NCAM2: variants seen among roughly 807,000 people sequenced by gnomAD.
The protein encoded by NCAM2 is neural cell adhesion molecule 2, also known as N-CAM-2.
A neutral mutation model predicts 98.1 loss-of-function variants in NCAM2; 30 were observed. The ratio of observed to expected loss-of-function variants is 0.31; its 90% CI spans 0.23 to 0.41. NCAM2 has a LOEUF of 0.41. Among genes scored for constraint, NCAM2 ranks in the 10% least tolerant of loss-of-function variants. The pLI is 1.00. For missense variants in NCAM2, 867 were observed against 1,005.8 expected, an observed-to-expected ratio of 0.86 and a Z score of 1.87; for synonymous variants, 368 against 342.4, an observed-to-expected ratio of 1.07 and a Z score of -0.83.
chr21:21,102,523 A>T (rs988313718), intron 1 of NCAM2, among the ~76,000 whole-genome samples: 1 of 152,004 alleles, frequency 6.6e-6, no homozygotes, highest in Non-Finnish European at 1.5e-5. Flanking sequence ...TTAACTAATA[A>T]CTCATGGATA....
At chr21:21,383,835 AC>A (rs1308610287) in intron 9 of NCAM2, among the ~76,000 whole-genome samples, 1 of 151,994 alleles carries the variant, frequency 6.6e-6, no homozygotes, top group African/African-American at 2.4e-5. Context: ...TTTATTTTTC[AC>A]ATTGTTTAGA....
chr21:21,467,935 C>T (rs1483154811), intron 13 of NCAM2, among the ~76,000 whole-genome samples: 2 of 151,824 alleles, frequency 1.3e-5, no homozygotes, highest in East Asian at 1.9e-4. Context: ...CAGGTCATGC[C>T]GGTTTAGAGA....
chr21:21,515,410 T>A (rs541804174), intron 16 of NCAM2, among the ~76,000 whole-genome samples: 86 of 152,232 alleles, frequency 5.6e-4, no homozygotes, highest in African/African-American at 1.9e-3. Flanking sequence ...ATAAATTTTT[T>A]AAAAAATGTT....
chr21:21,497,593 C>A (rs1034465179), intron 15 of NCAM2, among the ~76,000 whole-genome samples: 1 of 152,094 alleles, frequency 6.6e-6, no homozygotes, highest in African/African-American at 2.4e-5. Context: ...TGGATTGCCA[C>A]TGAGTTTATT....
At chr21:21,453,764 C>T (rs1364227349) in intron 12 of NCAM2, among the ~76,000 whole-genome samples, 1 of 151,888 alleles carries the variant, frequency 6.6e-6, no homozygotes, top group Non-Finnish European at 1.5e-5. Flanking sequence ...ACAAATGATT[C>T]TTTGCTATTT....
At chr21:21,277,680 T>A (rs2072778764) in intron 1 of NCAM2, among the ~76,000 whole-genome samples, 1 of 152,098 alleles carries the variant, frequency 6.6e-6, no homozygotes, top group Admixed American at 6.6e-5. Flanking sequence ...CCAATTATAA[T>A]TTGTATGGTA....
At chr21:21,409,805 C>T (rs536718458) in intron 9 of NCAM2, among the ~76,000 whole-genome samples, 1 of 152,212 alleles carries the variant, frequency 6.6e-6, no homozygotes, top group African/African-American at 2.4e-5. Flanking sequence ...AGTTCTGATG[C>T]ACTGTGTTAA....
intron 16 of NCAM2, among the ~76,000 whole-genome samples, chr21:21,517,454 G>C (rs1040970326): frequency 2.0e-5 from 3 of 152,140 alleles, no homozygotes; most frequent in Non-Finnish European, 4.4e-5. Context: ...TCTGTAGATA[G>C]TATGCAAGGA....
intron 1 of NCAM2, among the ~76,000 whole-genome samples, chr21:21,009,226 T>G (rs2064162858): frequency 1.3e-5 from 2 of 152,158 alleles, no homozygotes; most frequent in South Asian, 4.1e-4. Context: ...TACTTTTGCC[T>G]TTGTATAATG....
At chr21:21,415,054 G>T (rs2076962172) in intron 10 of NCAM2, among the ~76,000 whole-genome samples, 1 of 151,718 alleles carries the variant, frequency 6.6e-6, no homozygotes, top group Admixed American at 6.6e-5. Context: ...TTTTCCCATG[G>T]ATAGAACACA....
At chr21:21,362,904 A>G (rs966440636) in intron 8 of NCAM2, among the ~76,000 whole-genome samples, 1 of 152,174 alleles carries the variant, frequency 6.6e-6, no homozygotes, top group Non-Finnish European at 1.5e-5. Context: ...TTACAAAATG[A>G]AAAGTCAATG....
At chr21:21,247,670 A>G (rs1208897541) in intron 1 of NCAM2, among the ~76,000 whole-genome samples, 6 of 152,188 alleles carry the variant, frequency 3.9e-5, no homozygotes, top group South Asian at 2.1e-4. Flanking sequence ...TCATATTTCT[A>G]TGTAATTACA....
chr21:21,157,350 G>T (rs879844441), intron 1 of NCAM2, among the ~76,000 whole-genome samples: 1 of 152,030 alleles, frequency 6.6e-6, no homozygotes, highest in African/African-American at 2.4e-5. Flanking sequence ...TGCACATGGC[G>T]TTATAGTCTT....
In NCAM2 at chr21:21,145,751, G is replaced by C. The variant is rs1569073012; in HGVS notation, c.56-134827G>C. On this transcript the variant is annotated intron_variant, in intron 1 of 17. Transcript: ENST00000400546. The stretch of plus-strand genomic sequence containing the variant: ...AGATTTAGAATACCCAGTATGCATG[G>C]TACAATTCAGGACACTGAGTACAAA... 7.2e-5 allele frequency among the ~76,000 whole-genome samples: 11 copies of C among 152,176 alleles called. No individual in the cohort carries two copies. In the South Asian group the frequency reaches 2.3e-3, roughly 32 times the overall value.
intron 12 of NCAM2, among the ~76,000 whole-genome samples, chr21:21,453,702 C>A (rs1004604639): frequency 1.3e-5 from 2 of 151,982 alleles, no homozygotes; most frequent in Non-Finnish European, 2.9e-5. Context: ...GATGAAGAAT[C>A]CTTAGTGCAT....
chr21:21,290,356 AC>A (rs1486231523), intron 4 of NCAM2, among the ~76,000 whole-genome samples: 1 of 151,814 alleles, frequency 6.6e-6, no homozygotes, highest in Non-Finnish European at 1.5e-5. Context: ...CTGAACACAC[AC>A]TTTAAGAGAG....
chr21:21,188,146 T>C (rs1330044586), intron 1 of NCAM2, among the ~76,000 whole-genome samples: 1 of 152,128 alleles, frequency 6.6e-6, no homozygotes, highest in African/African-American at 2.4e-5. Context: ...ATATTTGAAG[T>C]AGGACAAGCA....
intron 1 of NCAM2, among the ~76,000 whole-genome samples, chr21:21,115,957 TTGTGTGTGTGTGTGTGTG>T (rs58824475): frequency 4.8e-5 from 7 of 147,174 alleles, no homozygotes; most frequent in African/African-American, 7.6e-5. Context: ...CTCTGAGATT[TTGTGTGTGTGTGTGTGTG>T]TGTGTGTGTG....
At chr21:21,177,583 A>C (rs970889176) in intron 1 of NCAM2, among the ~76,000 whole-genome samples, 1 of 152,144 alleles carries the variant, frequency 6.6e-6, no homozygotes, top group Non-Finnish European at 1.5e-5. Context: ...ATATATTTAA[A>C]GTCAGTAAAG....
Sources: allele counts gnomAD v4.1 joint callset (sites outside exome capture counted in the v4.1 genomes callset), GRCh38; gene constraint gnomAD v4.1.1; transcripts MANE v1.5; gene names NCBI Gene and HGNC (gene_info 2026-07-23, HGNC 2026-07-21).